Variants in PTPRD observed in about 807,000 individuals in gnomAD.
PTPRD encodes the protein protein tyrosine phosphatase receptor type D.
In PTPRD, 34 loss-of-function variants were observed where a neutral mutation model predicts 214.5. The observed-to-expected ratio is 0.16, with a 90% CI of 0.12 to 0.21. The LOEUF (loss-of-function observed/expected upper bound fraction) is 0.21, where lower values mean the gene tolerates loss of function less well. Ranked by LOEUF, PTPRD falls within the 10% of genes least tolerant of loss-of-function variation. The pLI is 1.00. For synonymous variants in PTPRD, 1,128 were observed against 845.7 expected (o/e 1.33, Z -5.79); for missense variants, 2,545 against 2,398.7 (o/e 1.06, Z -1.27).
At chr9:8,961,464 C>T (rs572918146) in intron 11 of PTPRD, among the ~76,000 whole-genome samples, 1 of 152,210 alleles carries the variant, frequency 6.6e-6, no homozygotes, top group East Asian at 1.9e-4. Context: ...CTTCTTTCCA[C>T]TAGGTCAGAG....
intron 14 of PTPRD, among the ~76,000 whole-genome samples, chr9:8,549,693 G>A (rs1490428701): frequency 6.6e-6 from 1 of 151,962 alleles, no homozygotes; most frequent in Admixed American, 6.6e-5. Flanking sequence ...ATAAACACAA[G>A]ATATAAACCC....
At chr9:10,199,903 G>GCACA (rs560068727) in intron 3 of PTPRD, among the ~76,000 whole-genome samples, 67 of 149,230 alleles carry the variant, frequency 4.5e-4, no homozygotes, top group South Asian at 8.4e-4. Flanking sequence ...GCACTCGCGC[G>GCACA]CACACACGCA....
chr9:8,395,566 C>G (rs543486846), intron 36 of PTPRD, among the ~76,000 whole-genome samples: 2 of 152,186 alleles, frequency 1.3e-5, no homozygotes, highest in African/African-American at 4.8e-5. Context: ...AAGACACAGT[C>G]TATTGTTTGC....
intron 3 of PTPRD, among the ~76,000 whole-genome samples, chr9:10,049,095 A>C (rs912370694): frequency 1.3e-5 from 2 of 152,120 alleles, no homozygotes; most frequent in African/African-American, 2.4e-5. Context: ...GAAATGAGAA[A>C]AGCAGAGCAT....
chr9:10,434,197 A>G (rs1311410294), intron 2 of PTPRD, among the ~76,000 whole-genome samples: 2 of 151,852 alleles, frequency 1.3e-5, no homozygotes, highest in Admixed American at 1.3e-4. Context: ...TATAAATAAA[A>G]TATGTTTAAA....
chr9:9,319,048 G>A (rs1965007988), intron 9 of PTPRD, among the ~76,000 whole-genome samples: 1 of 152,202 alleles, frequency 6.6e-6, no homozygotes, highest in Non-Finnish European at 1.5e-5. Context: ...TTGCTTTCAA[G>A]TTCCTGAACA....
intron 5 of PTPRD, among the ~76,000 whole-genome samples, chr9:9,831,423 G>A (rs2054790992): frequency 6.6e-6 from 1 of 151,984 alleles, no homozygotes; most frequent in East Asian, 1.9e-4. Context: ...GAGAGTATGA[G>A]TTTGGAAAGA....
intron 7 of PTPRD, among the ~76,000 whole-genome samples, chr9:9,619,973 G>GGAGAAAGA (rs1296036081): frequency 1.3e-5 from 2 of 151,392 alleles, no homozygotes; most frequent in African/African-American, 4.8e-5. Context: ...ACATATATAT[G>GGAGAAAGA]GAGAAAGAGA....
At chr9:9,955,339 A>C (rs1246901026) in intron 4 of PTPRD, among the ~76,000 whole-genome samples, 1 of 152,182 alleles carries the variant, frequency 6.6e-6, no homozygotes, top group African/African-American at 2.4e-5. Context: ...ATATGTACGT[A>C]TTTAAGCTAT....
At chr9:8,758,560 G>T (rs10977282) in intron 11 of PTPRD, among the ~76,000 whole-genome samples, 16,111 of 152,078 alleles carry the variant, frequency 0.11, 956 homozygotes, top group Non-Finnish European at 0.13. Context: ...CATAAATTTT[G>T]GGCTGTCACA....
intron 39 of PTPRD, among the ~76,000 whole-genome samples, chr9:8,365,991 T>G (rs1037424235): frequency 1.3e-5 from 2 of 152,206 alleles, no homozygotes; most frequent in Non-Finnish European, 2.9e-5. Flanking sequence ...TTGGTATTTG[T>G]AGGTAGCAAT....
At chr9:9,063,821 C>T (rs189199284) in intron 10 of PTPRD, among the ~76,000 whole-genome samples, 2 of 152,286 alleles carry the variant, frequency 1.3e-5, no homozygotes, top group Non-Finnish European at 2.9e-5. Flanking sequence ...AAGTATCCGG[C>T]AGTTTTCCCA....
intron 8 of PTPRD, among the ~76,000 whole-genome samples, chr9:9,399,115 C>G (rs953754465): frequency 2.6e-5 from 4 of 152,008 alleles, no homozygotes; most frequent in Admixed American, 6.6e-5. Context: ...ATCCACTATT[C>G]TGCTATTTCA....
intron 14 of PTPRD, among the ~76,000 whole-genome samples, chr9:8,583,200 T>C (rs2093339048): frequency 6.6e-6 from 1 of 152,214 alleles, no homozygotes; most frequent in Non-Finnish European, 1.5e-5. Context: ...TCCACTGATC[T>C]GACAGGAGGC....
intron 39 of PTPRD, among the ~76,000 whole-genome samples, chr9:8,366,112 A>T (rs898505519): frequency 1.3e-5 from 2 of 152,194 alleles, no homozygotes; most frequent in African/African-American, 4.8e-5. Context: ...CTCAACACCA[A>T]AACAAATGAA....
intron 9 of PTPRD, among the ~76,000 whole-genome samples, chr9:9,209,937 C>T (rs575303470): frequency 1.1e-3 from 171 of 152,148 alleles, no homozygotes; most frequent in Middle Eastern, 3.4e-3. Context: ...TTCATTGGTT[C>T]CTCCTAAACT....
chr9:8,659,220 TTTTTAAAATGAA>T (rs2096979476), intron 12 of PTPRD, among the ~76,000 whole-genome samples: 1 of 152,196 alleles, frequency 6.6e-6, no homozygotes, highest in Non-Finnish European at 1.5e-5. Flanking sequence ...TTTGGAGACA[TTTTTAAAATGAA>T]TTTCTTCAAG....
intron 14 of PTPRD, among the ~76,000 whole-genome samples, chr9:8,550,604 A>G (rs961231279): frequency 6.6e-6 from 1 of 152,234 alleles, no homozygotes; most frequent in Admixed American, 6.5e-5. Flanking sequence ...ATTTGTGGAA[A>G]GAGTAGCAAC....
intron 2 of PTPRD, among the ~76,000 whole-genome samples, chr9:10,444,539 A>C (rs2098785018): frequency 6.6e-6 from 1 of 151,872 alleles, no homozygotes; most frequent in South Asian, 2.1e-4. Context: ...CAATCAAGGA[A>C]ACACAGTGGG....
Sources: allele counts gnomAD v4.1 joint callset (sites outside exome capture counted in the v4.1 genomes callset), GRCh38; gene constraint gnomAD v4.1.1; transcripts MANE v1.5; gene names NCBI Gene and HGNC (gene_info 2026-07-23, HGNC 2026-07-21).